The following COL8A1 variants were observed in gnomAD, a reference collection of about 807,000 sequenced individuals.
COL8A1 encodes collagen alpha-1(VIII) chain.
Under a neutral mutation model 42.7 loss-of-function variants are expected in COL8A1, and 21 were observed. The observed-to-expected ratio is 0.49, with a 90% CI of 0.35 to 0.71. The LOEUF (loss-of-function observed/expected upper bound fraction) is 0.71. Among genes scored for constraint, COL8A1 ranks in the 30% least tolerant of loss-of-function variants. The pLI, the probability that COL8A1 is intolerant of heterozygous loss-of-function variation, is 0.01. For synonymous variants in COL8A1, 367 were observed against 369.1 expected, an observed-to-expected ratio of 0.99 and a Z score of 0.06; for missense variants, 788 against 962.4, an observed-to-expected ratio of 0.82 and a Z score of 2.40.
chr3:99,712,597 G>C (rs1426668166), intron 1 of COL8A1, among the ~76,000 whole-genome samples: 1 of 152,128 alleles, frequency 6.6e-6, no homozygotes, highest in Non-Finnish European at 1.5e-5. Context: ...TATCTGCAGA[G>C]ATGATGGCAT....
At chr3:99,650,193 C>A (rs935771092) in intron 1 of COL8A1, among the ~76,000 whole-genome samples, 1 of 152,142 alleles carries the variant, frequency 6.6e-6, no homozygotes, top group Non-Finnish European at 1.5e-5. Context: ...GTCAGAATAA[C>A]CATAATTTCA....
intron 1 of COL8A1, among the ~76,000 whole-genome samples, chr3:99,729,573 G>A (rs1206843619): frequency 6.6e-6 from 1 of 151,894 alleles, no homozygotes. Context: ...TACATCCTTA[G>A]GGAATTTTTT....
chr3:99,654,281 T>A (rs1937944147), intron 1 of COL8A1, among the ~76,000 whole-genome samples: 2 of 152,110 alleles, frequency 1.3e-5, no homozygotes, highest in South Asian at 4.2e-4. Context: ...GTCCAGTGAC[T>A]CAAATGTTAA....
chr3:99,715,941 C>A (rs1374109170), intron 1 of COL8A1, among the ~76,000 whole-genome samples: 1 of 152,118 alleles, frequency 6.6e-6, no homozygotes, highest in East Asian at 1.9e-4. Context: ...GAGTCTGTGA[C>A]AGAGAATTAA....
At chr3:99,640,142 G>A (rs1316272112) in intron 1 of COL8A1, among the ~76,000 whole-genome samples, 2 of 152,078 alleles carry the variant, frequency 1.3e-5, no homozygotes, top group African/African-American at 4.8e-5. Context: ...CTTCTGTCAC[G>A]TTAAATTTTT....
chr3:99,700,831 C>A (rs1402451197), intron 1 of COL8A1, among the ~76,000 whole-genome samples: 1 of 152,196 alleles, frequency 6.6e-6, no homozygotes, highest in Non-Finnish European at 1.5e-5. Flanking sequence ...TACATACACA[C>A]ACCCTGGCCA....
intron 3 of COL8A1, among the ~76,000 whole-genome samples, chr3:99,791,931 G>A (rs1486421594): frequency 6.6e-6 from 1 of 152,192 alleles, no homozygotes; most frequent in Non-Finnish European, 1.5e-5. Context: ...TAAGTAAAGT[G>A]CTGAGTAAAT....
At chr3:99,785,128 T>A (rs111666556) in intron 2 of COL8A1, among the ~76,000 whole-genome samples, 38 of 152,314 alleles carry the variant, frequency 2.5e-4, no homozygotes, top group Non-Finnish European at 5.3e-4. Context: ...CTCTAAAAGT[T>A]GTTTAGATAA....
At chr3:99,727,285 G>A (rs1940363371) in intron 1 of COL8A1, among the ~76,000 whole-genome samples, 1 of 152,148 alleles carries the variant, frequency 6.6e-6, no homozygotes, top group Non-Finnish European at 1.5e-5. Context: ...CTTTGCTGAA[G>A]TTGCCTATCA....
At chr3:99,643,980 G>A (rs1302201727) in intron 1 of COL8A1, among the ~76,000 whole-genome samples, 2 of 152,190 alleles carry the variant, frequency 1.3e-5, no homozygotes, top group Non-Finnish European at 2.9e-5. Flanking sequence ...GAATGTGTAG[G>A]TATGAGATTT....
At chr3:99,737,839 T>A (rs1306492839) in intron 1 of COL8A1, among the ~76,000 whole-genome samples, 1 of 151,888 alleles carries the variant, frequency 6.6e-6, no homozygotes, top group African/African-American at 2.4e-5. Flanking sequence ...TTGGTTCCAT[T>A]CTCCCCATCA....
At chr3:99,681,144 C>T (rs1284410264) in intron 1 of COL8A1, among the ~76,000 whole-genome samples, 1 of 152,160 alleles carries the variant, frequency 6.6e-6, no homozygotes, top group African/African-American at 2.4e-5. Flanking sequence ...CAAATGAGAT[C>T]TAATTAAACT....
rs778700260 is a variant in COL8A1 at position 99,790,911 on chromosome 3, T to C, written c.229T>C (p.Leu77=). 3.1e-6 allele frequency: 5 copies of C among 1,614,230 alleles called. No individual in the cohort carries two copies. In the South Asian group the frequency reaches 5.5e-5, roughly 18 times the overall value. Residue 77 remains leucine, a synonymous_variant, in exon 3 of 4, where the codon TTG becomes CTG. Transcript: ENST00000652472. ...GLAMGKEMPH[L]QYGKEYPHLP... is the part of the protein sequence containing the mutation. Reference sequence around the variant, plus strand: ...TGCCATGGGCAAGGAGATGCCCCACTTGCAGTATGGCAAAGAGTATCCACA... The same window carrying C: ...TGCCATGGGCAAGGAGATGCCCCACCTGCAGTATGGCAAAGAGTATCCACA...
At chr3:99,645,933 G>A (rs1327822366) in intron 1 of COL8A1, among the ~76,000 whole-genome samples, 1 of 152,128 alleles carries the variant, frequency 6.6e-6, no homozygotes, top group Admixed American at 6.5e-5. Flanking sequence ...CAAAGACTGA[G>A]GAAGCCTGCG....
At chr3:99,713,075 C>T (rs1214833072) in intron 1 of COL8A1, among the ~76,000 whole-genome samples, 3 of 151,990 alleles carry the variant, frequency 2.0e-5, no homozygotes, top group African/African-American at 7.2e-5. Flanking sequence ...TCATGTAGTC[C>T]TTGATTTGTG....
At chr3:99,655,871 C>G (rs762030947) in intron 1 of COL8A1, among the ~76,000 whole-genome samples, 1 of 152,084 alleles carries the variant, frequency 6.6e-6, no homozygotes, top group Non-Finnish European at 1.5e-5. Context: ...AGGAGAGGAG[C>G]TGCAACAAGT....
intron 1 of COL8A1, among the ~76,000 whole-genome samples, chr3:99,690,987 C>A (rs559878910): frequency 1.1e-3 from 164 of 152,334 alleles, no homozygotes; most frequent in African/African-American, 3.8e-3. Flanking sequence ...GGTCTGCTTA[C>A]ACATGAATTT....
In COL8A1 at chr3:99,796,188, G is replaced by A. The variant is rs1942106175; in HGVS notation, c.*52G>A. On this transcript the variant is annotated 3_prime_UTR_variant, in exon 4 of 4. Coordinates refer to ENST00000652472, the MANE Select transcript of COL8A1 (RefSeq NM_020351.4). ...AGAAAGAGATTTTATAGAAGAAAAT[G>A]ACACACCAAAAAATCCAAATGAAAA... 7.4e-7 allele frequency: 1 copy of A among 1,353,336 alleles called. No homozygotes were observed. The highest frequency in any genetic ancestry group is 2.4e-5 in the East Asian group (1 of 40,904). 83.8% of individuals were successfully genotyped at this position (1,353,336 alleles called of 1,614,324 possible).
At chr3:99,716,368 T>G (rs1939996002) in intron 1 of COL8A1, among the ~76,000 whole-genome samples, 1 of 151,990 alleles carries the variant, frequency 6.6e-6, no homozygotes, top group African/African-American at 2.4e-5. Context: ...ATCGAGGCAG[T>G]TGCACTGGAA....
Sources: gnomAD v4.1 joint callset for allele counts (sites outside exome capture counted in the v4.1 genomes callset) on GRCh38, gnomAD v4.1.1 for gene constraint, MANE v1.5 for transcripts, NCBI Gene and HGNC (gene_info 2026-07-23, HGNC 2026-07-21) for gene names.